The following TENM3 variants were observed in gnomAD, a reference collection of about 807,000 sequenced individuals.
The protein encoded by TENM3 is teneurin-3.
In TENM3, 63 loss-of-function variants were observed where a neutral mutation model predicts 255.1. That is an observed-to-expected ratio of 0.25 (90% CI 0.20 to 0.30). TENM3 has a LOEUF of 0.30. TENM3 is among the 10% of genes least tolerant of loss of function. The pLI is 1.00. For synonymous variants in TENM3, 1,306 were observed against 1,322.3 expected, an observed-to-expected ratio of 0.99 and a Z score of 0.27; for missense variants, 2,929 against 3,461.1, an observed-to-expected ratio of 0.85 and a Z score of 3.86.
At chr4:181,660,068 C>A in the TENM3 span, among the ~76,000 whole-genome samples, 1 of 151,994 alleles carries the variant, frequency 6.6e-6, no homozygotes, top group Non-Finnish European at 1.5e-5. Flanking sequence ...GAAAATGTAG[C>A]GAGACAACCT....
At chr4:181,721,398 G>A in the TENM3 span, among the ~76,000 whole-genome samples, 1 of 149,984 alleles carries the variant, frequency 6.7e-6, no homozygotes, top group Admixed American at 6.6e-5. Context: ...AAGTGGAGTG[G>A]GTCCTGGCTA....
the TENM3 span, among the ~76,000 whole-genome samples, chr4:181,799,930 G>A: frequency 6.6e-6 from 1 of 152,130 alleles, no homozygotes; most frequent in African/African-American, 2.4e-5. Context: ...CAGATAATGC[G>A]GATGAGTAGA....
At chr4:182,559,010 A>G (rs1742856819) in intron 3 of TENM3, among the ~76,000 whole-genome samples, 1 of 152,072 alleles carries the variant, frequency 6.6e-6, no homozygotes, top group South Asian at 2.1e-4. Flanking sequence ...TTGGCATCAT[A>G]ATTTTCCAGG....
At chr4:181,994,404 A>G in the TENM3 span, among the ~76,000 whole-genome samples, 1 of 152,192 alleles carries the variant, frequency 6.6e-6, no homozygotes, top group African/African-American at 2.4e-5. Context: ...TACATATTTT[A>G]TTCTCAACAT....
At chr4:182,361,129 A>G (rs961079543) in intron 3 of TENM3, among the ~76,000 whole-genome samples, 17 of 152,122 alleles carry the variant, frequency 1.1e-4, no homozygotes, top group Admixed American at 5.9e-4. Context: ...GGGTAACCCG[A>G]CCTTTCTCTC....
intron 1 of TENM3, among the ~76,000 whole-genome samples, chr4:182,172,690 A>C (rs1287853272): frequency 6.6e-6 from 1 of 152,206 alleles, no homozygotes; most frequent in Non-Finnish European, 1.5e-5. Context: ...TTATTTATTC[A>C]TACTTTCAGA....
chr4:182,631,064 A>G (rs1406400397), intron 5 of TENM3, among the ~76,000 whole-genome samples: 4 of 151,682 alleles, frequency 2.6e-5, no homozygotes, highest in Non-Finnish European at 5.9e-5. Flanking sequence ...AAAACTCAAA[A>G]TTTTCCTTTT....
the TENM3 span, among the ~76,000 whole-genome samples, chr4:182,076,125 G>T: frequency 3.3e-5 from 5 of 151,790 alleles, no homozygotes; most frequent in Non-Finnish European, 7.4e-5. Flanking sequence ...TGCCCAGGCT[G>T]GTCTCGAACT....
chr4:181,699,832 C>T, the TENM3 span, among the ~76,000 whole-genome samples: 5 of 152,182 alleles, frequency 3.3e-5, no homozygotes, highest in Non-Finnish European at 5.9e-5. Flanking sequence ...CCACAATTAA[C>T]GAAAGGCTGC....
chr4:181,863,682 T>C, the TENM3 span, among the ~76,000 whole-genome samples: 10 of 152,088 alleles, frequency 6.6e-5, 1 homozygote, highest in Admixed American at 6.6e-4. Context: ...GCAAGAATCA[T>C]TATTGCAGGT....
chr4:182,326,117 G>A (rs1763387270), intron 2 of TENM3, among the ~76,000 whole-genome samples: 2 of 152,218 alleles, frequency 1.3e-5, no homozygotes, highest in East Asian at 1.9e-4. Context: ...GGCCAGGGAG[G>A]CCTTGTTGGA....
the TENM3 span, among the ~76,000 whole-genome samples, chr4:181,850,795 T>C: frequency 2.6e-5 from 4 of 152,316 alleles, no homozygotes; most frequent in East Asian, 7.7e-4. Context: ...GAAGCATCCT[T>C]TGTTCCACTG....
At chr4:182,758,347 G>C (rs1475271680) in intron 22 of TENM3, among the ~76,000 whole-genome samples, 1 of 152,130 alleles carries the variant, frequency 6.6e-6, no homozygotes, top group Non-Finnish European at 1.5e-5. Context: ...AAAGGGTGGG[G>C]GGAGGTGTCA....
At chr4:181,682,682 G>C in the TENM3 span, among the ~76,000 whole-genome samples, 1 of 152,172 alleles carries the variant, frequency 6.6e-6, no homozygotes, top group African/African-American at 2.4e-5. Context: ...TGGTAGATTG[G>C]AAGAGTGGTT....
chr4:182,664,054 T>C (rs1286753249), intron 6 of TENM3, among the ~76,000 whole-genome samples: 1 of 152,210 alleles, frequency 6.6e-6, no homozygotes, highest in Admixed American at 6.5e-5. Flanking sequence ...TTTGATACTA[T>C]AATTTTGTAA....
At chr4:182,504,547 C>G (rs1736628812) in intron 3 of TENM3, among the ~76,000 whole-genome samples, 1 of 152,174 alleles carries the variant, frequency 6.6e-6, no homozygotes, top group Admixed American at 6.5e-5. Flanking sequence ...TAGGTGATTT[C>G]TTGTTTGTCC....
intron 3 of TENM3, among the ~76,000 whole-genome samples, chr4:182,498,608 CT>C (rs1434239182): frequency 6.6e-6 from 1 of 151,998 alleles, no homozygotes; most frequent in Non-Finnish European, 1.5e-5. Flanking sequence ...AATCCCAGCA[CT>C]TTGTGAGGCC....
chr4:181,896,684 G>A, the TENM3 span, among the ~76,000 whole-genome samples: 3 of 152,160 alleles, frequency 2.0e-5, no homozygotes, highest in Admixed American at 6.5e-5. Flanking sequence ...TGATGAGAGT[G>A]GAAGACCAGG....
At chr4:182,097,077 T>C in the TENM3 span, among the ~76,000 whole-genome samples, 25,162 of 152,024 alleles carry the variant, frequency 0.17, 2,083 homozygotes, top group Non-Finnish European at 0.17. Flanking sequence ...GGGTTTGCGA[T>C]TGGGACAGGG....
Sources: gnomAD v4.1 joint callset for allele counts (sites outside exome capture counted in the v4.1 genomes callset) on GRCh38, gnomAD v4.1.1 for gene constraint, MANE v1.5 for transcripts, NCBI Gene and HGNC (gene_info 2026-07-23, HGNC 2026-07-21) for gene names.